PRCP: variants seen among roughly 807,000 people sequenced by gnomAD.
PRCP encodes lysosomal Pro-X carboxypeptidase.
Under a neutral mutation model 54.2 loss-of-function variants are expected in PRCP, and 46 were observed. The ratio of observed to expected loss-of-function variants is 0.85; its 90% CI spans 0.67 to 1.09. PRCP has a LOEUF of 1.09. Among genes scored for constraint, PRCP ranks in the 50% least tolerant of loss-of-function variants. The pLI, the probability that PRCP is intolerant of heterozygous loss-of-function variation, is 0.00. For synonymous variants in PRCP, 240 were observed against 212.2 expected, an observed-to-expected ratio of 1.13 and a Z score of -1.14; for missense variants, 613 against 596.8, an observed-to-expected ratio of 1.03 and a Z score of -0.28.
chr11:82,889,347 G>C (rs1859944524), intron 1 of PRCP, among the ~76,000 whole-genome samples: 1 of 145,438 alleles, frequency 6.9e-6, no homozygotes, highest in Non-Finnish European at 1.5e-5. Context: ...CTGGGTGACA[G>C]AGCAAGACTC....
chr11:82,894,270 T>C (rs1353959665), intron 1 of PRCP, among the ~76,000 whole-genome samples: 3 of 152,182 alleles, frequency 2.0e-5, no homozygotes, highest in Non-Finnish European at 2.9e-5. Flanking sequence ...AAATCAACTA[T>C]GCAATATTAT....
intron 8 of PRCP, 179 bp from the exon 9 acceptor site, chr11:82,825,301 A>G: frequency 1.6e-6 from 1 of 615,728 alleles, no homozygotes; most frequent in South Asian, 2.0e-5. Context: ...GAGTTTTGCA[A>G]TATTCATGCA....
At chr11:82,868,134 T>C (rs1300183531) in intron 1 of PRCP, among the ~76,000 whole-genome samples, 2 of 152,164 alleles carry the variant, frequency 1.3e-5, no homozygotes, top group Admixed American at 6.5e-5. Context: ...AAACTGACTG[T>C]AAAAGAGAAT....
At position 82,858,954 on chromosome 11, in the gene PRCP, A is replaced by G. The variant is rs541020043; in HGVS notation, c.309+1023T>C. Among the ~76,000 whole-genome samples the G allele has an allele frequency of 5.3e-4, 81 of 152,356 alleles. 1 individual carries two copies. The highest frequency in any genetic ancestry group is 1.9e-3 in the African/African-American group (80 of 41,586). ...GAAATAATCAGAAATGAGAAATGCA[A>G]TAACAATGTAATTGGGTTCATATCT... On this transcript the variant is annotated intron_variant, in intron 2 of 8. Coordinates refer to ENST00000313010, the MANE Select transcript of PRCP (RefSeq NM_005040.4).
chr11:82,835,674 G>T (rs377469347), intron 8 of PRCP: 4 of 312,460 alleles, frequency 1.3e-5, no homozygotes, highest in South Asian at 5.6e-5. Flanking sequence ...GAAGACGACG[G>T]TAGGAAAAAA....
chr11:82,832,469 TTTTCATAA>T (rs1228801874), intron 8 of PRCP, among the ~76,000 whole-genome samples: 2 of 152,238 alleles, frequency 1.3e-5, no homozygotes, highest in East Asian at 3.8e-4. Flanking sequence ...GATGAGCTTT[TTTTCATAA>T]GTTTGTTGGC....
At chr11:82,851,767 T>G (rs1858962774) in intron 3 of PRCP, among the ~76,000 whole-genome samples, 1 of 152,106 alleles carries the variant, frequency 6.6e-6, no homozygotes, top group Non-Finnish European at 1.5e-5. Context: ...CCTGATTTCT[T>G]CCATCATCTG....
At chr11:82,898,275 A>C (rs1225756324) in intron 1 of PRCP, among the ~76,000 whole-genome samples, 1 of 152,216 alleles carries the variant, frequency 6.6e-6, no homozygotes, top group East Asian at 1.9e-4. Flanking sequence ...GTAAAGCTGG[A>C]CTTTGCATAT....
At chr11:82,892,516 T>C (rs1359380526) in intron 1 of PRCP, among the ~76,000 whole-genome samples, 1 of 152,218 alleles carries the variant, frequency 6.6e-6, no homozygotes, top group African/African-American at 2.4e-5. Context: ...AATTAACAAT[T>C]ACTCAACACT....
chr11:82,888,564 C>T (rs186101815), intron 1 of PRCP, among the ~76,000 whole-genome samples: 49 of 152,312 alleles, frequency 3.2e-4, no homozygotes, highest in Non-Finnish European at 6.0e-4. Flanking sequence ...CCAGCCCTCG[C>T]CCATACACAA....
intron 1 of PRCP, among the ~76,000 whole-genome samples, chr11:82,877,713 C>T (rs1272126660): frequency 6.6e-6 from 1 of 152,238 alleles, no homozygotes; most frequent in African/African-American, 2.4e-5. Flanking sequence ...CCTGGATGCC[C>T]AGGCAAAAGT....
chr11:82,897,972 TTAA>T (rs1860155947), intron 1 of PRCP, among the ~76,000 whole-genome samples: 1 of 152,226 alleles, frequency 6.6e-6, no homozygotes, highest in Non-Finnish European at 1.5e-5. Context: ...CCTTACAGTT[TTAA>T]TAATAAGTTT....
intron 1 of PRCP, among the ~76,000 whole-genome samples, chr11:82,870,157 T>G (rs113188499): frequency 0.014 from 2,085 of 152,370 alleles, 46 homozygotes; most frequent in African/African-American, 0.047. Flanking sequence ...ACAATAACTT[T>G]ACCTGAGAAA....
chr11:82,832,731 G>C (rs1858419142), intron 8 of PRCP, among the ~76,000 whole-genome samples: 1 of 152,070 alleles, frequency 6.6e-6, no homozygotes, highest in Admixed American at 6.6e-5. Flanking sequence ...GTCAATTTTG[G>C]CTTTTGTTGC....
At chr11:82,869,379 A>G (rs1047541335) in intron 1 of PRCP, among the ~76,000 whole-genome samples, 6 of 151,214 alleles carry the variant, frequency 4.0e-5, no homozygotes, top group Admixed American at 3.3e-4. Context: ...AAGAAGAAGA[A>G]AAGAAGAAAA....
chr11:82,841,940 G>C (rs1208623183), intron 6 of PRCP, among the ~76,000 whole-genome samples: 1 of 152,172 alleles, frequency 6.6e-6, no homozygotes, highest in African/African-American at 2.4e-5. Flanking sequence ...CATAGATTCA[G>C]CTCTTTCAAA....
In PRCP at chr11:82,853,364, G is replaced by A. The variant is rs959205356; in HGVS notation, c.310-86C>T. The A allele has an allele frequency of 2.9e-6, 3 of 1,047,728 alleles. No homozygotes were observed. The African/African-American group carries it at 4.9e-5, about 17-fold the overall frequency. 64.9% of individuals were successfully genotyped at this position (1,047,728 alleles called of 1,614,324 possible). ...TTTTGGCAAACCATATGGAATAGATGTTAAGCCAGAACAAAAAGAGCACTC... is the reference window on the plus strand; with the variant it reads ...TTTTGGCAAACCATATGGAATAGATATTAAGCCAGAACAAAAAGAGCACTC... On this transcript the variant is annotated intron_variant, in intron 2 of 8. Transcript: ENST00000313010.
intron 1 of PRCP, among the ~76,000 whole-genome samples, chr11:82,870,218 T>C (rs946313182): frequency 2.6e-5 from 4 of 152,192 alleles, no homozygotes; most frequent in Non-Finnish European, 4.4e-5. Context: ...AGCATACTAG[T>C]GTTTGGTGAA....
At chr11:82,834,987 C>A (rs1858484337) in intron 8 of PRCP, among the ~76,000 whole-genome samples, 1 of 152,164 alleles carries the variant, frequency 6.6e-6, no homozygotes, top group South Asian at 2.1e-4. Context: ...TGGCTTGAAT[C>A]CAGGAGACAG....
Sources: gnomAD v4.1 joint callset for allele counts (sites outside exome capture counted in the v4.1 genomes callset) on GRCh38, gnomAD v4.1.1 for gene constraint, MANE v1.5 for transcripts, NCBI Gene and HGNC (gene_info 2026-07-23, HGNC 2026-07-21) for gene names.